The following NKAIN1 variants were observed in gnomAD, a reference collection of about 807,000 sequenced individuals.
The protein encoded by NKAIN1 is sodium/potassium transporting ATPase interacting 1, also known as sodium/potassium-transporting ATPase subunit beta-1-interacting protein 1.
Under a neutral mutation model 31.6 loss-of-function variants are expected in NKAIN1, and 13 were observed. That is an observed-to-expected ratio of 0.41 (90% CI 0.27 to 0.65). The LOEUF is 0.65. NKAIN1 is among the 30% of genes least tolerant of loss of function. The probability of loss-of-function intolerance (pLI) is 0.30; values close to 1 mark genes in which losing one functional copy is unlikely to be tolerated. For missense variants in NKAIN1, 193 were observed against 262.2 expected, an observed-to-expected ratio of 0.74 and a Z score of 1.82; for synonymous variants, 104 against 109.0, an observed-to-expected ratio of 0.95 and a Z score of 0.28.
chr1:31,199,501 G>A (rs1428861861), intron 1 of NKAIN1, among the ~76,000 whole-genome samples: 1 of 152,058 alleles, frequency 6.6e-6, no homozygotes, highest in Non-Finnish European at 1.5e-5. Context: ...TGAGGGAGTG[G>A]GATGAAAGCC....
At chr1:31,236,105 T>C (rs1285742856) in intron 1 of NKAIN1, among the ~76,000 whole-genome samples, 1 of 152,204 alleles carries the variant, frequency 6.6e-6, no homozygotes, top group Non-Finnish European at 1.5e-5. Context: ...ATTTAACAGA[T>C]GACAAAACTA....
chr1:31,192,393 G>A (rs1645293315), intron 1 of NKAIN1, among the ~76,000 whole-genome samples: 1 of 152,074 alleles, frequency 6.6e-6, no homozygotes, highest in Non-Finnish European at 1.5e-5. Context: ...GCTAGCTCCG[G>A]GATGCAGAAG....
At chr1:31,220,174 ATT>A (rs552267355) in intron 1 of NKAIN1, among the ~76,000 whole-genome samples, 2,234 of 127,202 alleles carry the variant, frequency 0.018, 45 homozygotes, top group African/African-American at 0.051. Flanking sequence ...CGCCCAGCTA[ATT>A]TTTTTTTTTT....
chr1:31,197,579 C>A (rs1645340629), intron 1 of NKAIN1, among the ~76,000 whole-genome samples: 1 of 115,316 alleles, frequency 8.7e-6, no homozygotes, highest in African/African-American at 3.2e-5. Context: ...TGGAGTCCAG[C>A]TTCGTCGCCC....
At chr1:31,215,074 G>A (rs1238611108) in intron 1 of NKAIN1, among the ~76,000 whole-genome samples, 2 of 113,360 alleles carry the variant, frequency 1.8e-5, no homozygotes, top group East Asian at 2.0e-4. Context: ...TGACCTCGTG[G>A]GAGGAGAAAA....
chr1:31,204,249 G>A (rs994629934), intron 1 of NKAIN1, among the ~76,000 whole-genome samples: 11 of 152,140 alleles, frequency 7.2e-5, no homozygotes, highest in Non-Finnish European at 1.6e-4. Context: ...GAAGGTCTGA[G>A]CATAGAGACA....
chr1:31,210,852 C>T (rs1645463151), intron 1 of NKAIN1, among the ~76,000 whole-genome samples: 1 of 152,188 alleles, frequency 6.6e-6, no homozygotes, highest in Non-Finnish European at 1.5e-5. Context: ...TGAGTCCTCT[C>T]CATTCTTACC....
At chr1:31,191,027 A>T (rs971519496) in intron 1 of NKAIN1, among the ~76,000 whole-genome samples, 2 of 152,220 alleles carry the variant, frequency 1.3e-5, no homozygotes, top group African/African-American at 4.8e-5. Context: ...GCAGTGGCTC[A>T]CGCCTGTAAT....
chr1:31,205,810 AC>A (rs1200809746), intron 1 of NKAIN1, among the ~76,000 whole-genome samples: 1 of 151,394 alleles, frequency 6.6e-6, no homozygotes, highest in Non-Finnish European at 1.5e-5. Flanking sequence ...TTTAGTAGAG[AC>A]AGGGTTTCAC....
At chr1:31,193,822 G>A (rs1317542101) in intron 1 of NKAIN1, 1 of 152,170 alleles carries the variant, frequency 6.6e-6, no homozygotes, top group Non-Finnish European at 1.5e-5. Flanking sequence ...CCACCTGGTT[G>A]CGTCAGCTCC....
intron 1 of NKAIN1, among the ~76,000 whole-genome samples, chr1:31,230,382 C>G (rs1645638628): frequency 6.6e-6 from 1 of 152,174 alleles, no homozygotes; most frequent in Admixed American, 6.5e-5. Context: ...AACTCAAATC[C>G]CAGCCTGACC....
At chr1:31,192,717 A>G (rs1273306026) in intron 1 of NKAIN1, among the ~76,000 whole-genome samples, 2 of 151,718 alleles carry the variant, frequency 1.3e-5, no homozygotes, top group South Asian at 2.1e-4. Flanking sequence ...TGCCCAGTGG[A>G]TTTTTGTATT....
intron 1 of NKAIN1, among the ~76,000 whole-genome samples, chr1:31,199,997 ACACACG>A (rs1426775881): frequency 1.5e-5 from 2 of 135,392 alleles, no homozygotes; most frequent in Non-Finnish European, 3.3e-5. Context: ...CCGAACACAC[ACACACG>A]CACACACATG....
At chr1:31,231,741 A>G (rs552216510) in intron 1 of NKAIN1, among the ~76,000 whole-genome samples, 170 of 150,664 alleles carry the variant, frequency 1.1e-3, no homozygotes, top group African/African-American at 3.6e-3. Flanking sequence ...AGTGTTAGCC[A>G]GGATGGTCTC....
intron 2 of NKAIN1, among the ~76,000 whole-genome samples, chr1:31,187,521 T>C (rs1322437255): frequency 6.6e-6 from 1 of 152,132 alleles, no homozygotes; most frequent in African/African-American, 2.4e-5. Context: ...CTGAAGCTTC[T>C]TGAGAAACTA....
chr1:31,191,137 G>A (rs750151050), intron 1 of NKAIN1, among the ~76,000 whole-genome samples: 5 of 152,080 alleles, frequency 3.3e-5, no homozygotes, highest in Non-Finnish European at 5.9e-5. Flanking sequence ...CTGAAAATAC[G>A]AAAGTTAGCT....
intron 1 of NKAIN1, among the ~76,000 whole-genome samples, chr1:31,189,658 A>G (rs1456437050): frequency 6.6e-6 from 1 of 152,192 alleles, no homozygotes; most frequent in African/African-American, 2.4e-5. Flanking sequence ...CTCTGTCCAC[A>G]TGGCTTGAGT....
At chr1:31,225,243 G>T (rs1645594463) in intron 1 of NKAIN1, among the ~76,000 whole-genome samples, 1 of 149,958 alleles carries the variant, frequency 6.7e-6, no homozygotes, top group South Asian at 2.1e-4. Context: ...GGGCAGGATG[G>T]TCTTGATCTC....
chr1:31,220,387 T>C (rs1645554465), intron 1 of NKAIN1, among the ~76,000 whole-genome samples: 1 of 152,034 alleles, frequency 6.6e-6, no homozygotes, highest in Non-Finnish European at 1.5e-5. Context: ...TGATCACTGA[T>C]AGCATCTGAG....
Sources: gnomAD v4.1 joint callset for allele counts (sites outside exome capture counted in the v4.1 genomes callset) on GRCh38, gnomAD v4.1.1 for gene constraint, MANE v1.5 for transcripts, NCBI Gene and HGNC (gene_info 2026-07-23, HGNC 2026-07-21) for gene names.